Variants in TANC2 observed in about 807,000 individuals in gnomAD.
TANC2 encodes the protein tetratricopeptide repeat, ankyrin repeat and coiled-coil containing 2.
Under a neutral mutation model 210.5 loss-of-function variants are expected in TANC2, and 26 were observed. The ratio of observed to expected loss-of-function variants is 0.12; its 90% confidence interval spans 0.09 to 0.17. The LOEUF is 0.17. TANC2 is among the 10% of genes least tolerant of loss of function. The pLI, the probability that TANC2 is intolerant of heterozygous loss-of-function variation, is 1.00. For missense variants in TANC2, 2,129 were observed against 2,608.9 expected (o/e 0.82, Z 4.01); for synonymous variants, 931 against 967.1 (o/e 0.96, Z 0.69).
intron 25 of TANC2, among the ~76,000 whole-genome samples, 161 bp downstream of exon 25, chr17:63,413,795 G>A (rs545234473): frequency 6.6e-6 from 1 of 152,284 alleles, no homozygotes; most frequent in Non-Finnish European, 1.5e-5. Context: ...CTGGGGTTCT[G>A]CCTTACCAAG....
chr17:63,166,720 A>G (rs1450111380), intron 5 of TANC2, among the ~76,000 whole-genome samples: 1 of 152,196 alleles, frequency 6.6e-6, no homozygotes, highest in African/African-American at 2.4e-5. Flanking sequence ...TGGCATCTTT[A>G]GGTATACCAC....
chr17:63,388,237 A>G (rs2047848456), intron 15 of TANC2: 1 of 154,938 alleles, frequency 6.5e-6, no homozygotes, highest in African/African-American at 2.4e-5. Flanking sequence ...CCTGGGAAAT[A>G]GAGTTTTTCC....
chr17:63,003,263 G>A (rs2033468830), intron 1 of TANC2, among the ~76,000 whole-genome samples: 1 of 152,054 alleles, frequency 6.6e-6, no homozygotes, highest in Admixed American at 6.6e-5. Context: ...TCTACTTTTT[G>A]AAACTACCTG....
chr17:63,200,868 T>C (rs117690040), exon 7 of TANC2: 1 of 1,613,812 alleles, frequency 6.2e-7, no homozygotes, highest in South Asian at 1.1e-5. Context: ...CTCCCACCCA[T>C]CAGTACAAAT....
intron 4 of TANC2, among the ~76,000 whole-genome samples, chr17:63,107,248 C>T (rs934243171): frequency 1.3e-5 from 2 of 151,472 alleles, no homozygotes; most frequent in Non-Finnish European, 2.9e-5. Context: ...AAAAGCATTT[C>T]CAGGGAGTGT....
intron 4 of TANC2, among the ~76,000 whole-genome samples, chr17:63,106,997 C>T (rs2037851328): frequency 6.6e-6 from 1 of 151,388 alleles, no homozygotes; most frequent in Non-Finnish European, 1.5e-5. Flanking sequence ...GGAAAGTTTG[C>T]GAAAGTGCCC....
At chr17:62,975,002 A>T (rs190286794) in intron 1 of TANC2, among the ~76,000 whole-genome samples, 1 of 152,214 alleles carries the variant, frequency 6.6e-6, no homozygotes, top group Admixed American at 6.5e-5. Flanking sequence ...GACGTAGCTG[A>T]TTATAAAGAT....
chr17:63,260,329 G>C (rs1464440829), intron 8 of TANC2, among the ~76,000 whole-genome samples: 1 of 152,148 alleles, frequency 6.6e-6, no homozygotes, highest in Non-Finnish European at 1.5e-5. Context: ...GGCTTTGCAG[G>C]CCACATGGCC....
intron 4 of TANC2, chr17:63,148,210 C>A (rs1257830450): frequency 2.0e-5 from 3 of 152,170 alleles, no homozygotes; most frequent in Admixed American, 2.0e-4. Context: ...TAATGTGCTG[C>A]CATGTTATGC....
chr17:63,250,478 G>A (rs2043028351), intron 8 of TANC2, among the ~76,000 whole-genome samples: 1 of 151,980 alleles, frequency 6.6e-6, no homozygotes, highest in Non-Finnish European at 1.5e-5. Context: ...AGCGCTATAA[G>A]GTAGGAACGT....
intron 4 of TANC2, among the ~76,000 whole-genome samples, chr17:63,119,302 A>G (rs1315168396): frequency 2.0e-5 from 3 of 152,226 alleles, no homozygotes; most frequent in Admixed American, 6.5e-5. Flanking sequence ...AATTTACACA[A>G]TTAGCAAAAG....
intron 3 of TANC2, among the ~76,000 whole-genome samples, chr17:63,077,743 C>T (rs1256360028): frequency 1.3e-5 from 2 of 152,064 alleles, no homozygotes; most frequent in East Asian, 1.9e-4. Context: ...AGTTGATGTC[C>T]AAGCCAGTCA....
chr17:63,216,574 G>A (rs2042032809), intron 7 of TANC2, among the ~76,000 whole-genome samples: 2 of 152,172 alleles, frequency 1.3e-5, no homozygotes, highest in African/African-American at 4.8e-5. Flanking sequence ...CATGCAAAGT[G>A]AGGACAGCCT....
At chr17:63,075,625 C>T (rs774633738) in intron 3 of TANC2, among the ~76,000 whole-genome samples, 5 of 152,122 alleles carry the variant, frequency 3.3e-5, no homozygotes, top group Non-Finnish European at 7.4e-5. Context: ...CTCCGCCTCC[C>T]GGGTTCAAGC....
chr17:63,377,646 C>G (rs985944670), intron 14 of TANC2, among the ~76,000 whole-genome samples: 3 of 152,184 alleles, frequency 2.0e-5, no homozygotes, highest in Non-Finnish European at 4.4e-5. Flanking sequence ...TTCCTGTCTT[C>G]TTCTGAGCCC....
At chr17:62,999,425 T>G (rs1238011816) in intron 1 of TANC2, among the ~76,000 whole-genome samples, 1 of 152,176 alleles carries the variant, frequency 6.6e-6, no homozygotes. Context: ...ACACAGACTT[T>G]AAACCAACAA....
chr17:63,175,699 C>T (rs1275010768), intron 5 of TANC2, among the ~76,000 whole-genome samples: 1 of 152,014 alleles, frequency 6.6e-6, no homozygotes, highest in African/African-American at 2.4e-5. Flanking sequence ...AAGTTTTGTT[C>T]TTCAAAATAC....
At chr17:63,323,284 A>T (rs1041701524) in intron 11 of TANC2, among the ~76,000 whole-genome samples, 1 of 152,232 alleles carries the variant, frequency 6.6e-6, no homozygotes, top group African/African-American at 2.4e-5. Flanking sequence ...TATCATTGGT[A>T]TTTCATAACA....
At chr17:63,411,446 G>A (rs566205413) in intron 21 of TANC2, 65 bp from the exon 22 acceptor site, 11 of 1,489,626 alleles carry the variant, frequency 7.4e-6, no homozygotes, top group South Asian at 5.3e-5. Context: ...CCCCTTCAGC[G>A]TACTTCCCCT....
Sources: gnomAD v4.1 joint callset for allele counts (sites outside exome capture counted in the v4.1 genomes callset) on GRCh38, gnomAD v4.1.1 for gene constraint, MANE v1.5 for transcripts, NCBI Gene and HGNC (gene_info 2026-07-23, HGNC 2026-07-21) for gene names.